Variants in USP34 observed in about 807,000 individuals in gnomAD.
USP34 encodes ubiquitin carboxyl-terminal hydrolase 34.
Under a neutral mutation model 460.3 loss-of-function variants are expected in USP34, and 70 were observed. The ratio of observed to expected loss-of-function variants is 0.15; its 90% CI spans 0.13 to 0.19. USP34 has a LOEUF of 0.19. USP34 is among the 10% of genes least tolerant of loss of function. USP34 has a pLI of 1.00. For missense variants in USP34, 3,985 were observed against 4,236.2 expected, an observed-to-expected ratio of 0.94 and a Z score of 1.65; for synonymous variants, 1,647 against 1,405.3, an observed-to-expected ratio of 1.17 and a Z score of -3.85.
chr2:61,296,449 C>T lies in USP34; in HGVS notation c.4254+351G>A, dbSNP rs115706952. ...TAAGCACACAAAACAAACACTGATG[C>T]ACATCATTTCACCTCTGTGTATTTT... is the stretch of plus-strand genomic sequence containing the variant. On this transcript the variant is annotated intron_variant, in intron 30 of 79. Transcript: ENST00000398571. Among the ~76,000 whole-genome samples the T allele has an allele frequency of 5.6e-3, 858 of 152,240 alleles. 9 individuals are homozygous for T. The highest frequency in any genetic ancestry group is 0.02 in the African/African-American group (819 of 41,526).
chr2:61,291,394 A>G (rs551745915), intron 33 of USP34, among the ~76,000 whole-genome samples: 33 of 152,290 alleles, frequency 2.2e-4, no homozygotes, highest in African/African-American at 7.0e-4. Context: ...AATTCCTCAA[A>G]AAGTTAGAAG....
Position 61,351,359 on chromosome 2 carries a change from A to G in USP34, c.1252-666T>C, listed in dbSNP as rs1572959493. 2.0e-5 allele frequency among the ~76,000 whole-genome samples: 3 copies of G among 152,332 alleles called. No homozygotes were observed. The East Asian group carries it at 5.8e-4, about 29-fold the overall frequency. On this transcript the variant is annotated intron_variant, in intron 10 of 79. Transcript: ENST00000398571. ...CCCTTATAAAGATCTATAAAATAAT[A>G]AACCATGAGATACAAAGACTTCTTT...
chr2:61,361,759 T>A (rs957245408), intron 10 of USP34, among the ~76,000 whole-genome samples: 1 of 152,148 alleles, frequency 6.6e-6, no homozygotes, highest in Non-Finnish European at 1.5e-5. Flanking sequence ...GTCTAGGAAA[T>A]AATTTTTTTG....
At chr2:61,419,309 G>A (rs1049093289) in intron 2 of USP34, among the ~76,000 whole-genome samples, 6 of 151,512 alleles carry the variant, frequency 4.0e-5, no homozygotes, top group South Asian at 4.2e-4. Context: ...CACCACACCC[G>A]GCCAGGCCAC....
In USP34 at chr2:61,229,021, G is replaced by A. The variant is rs751827248; in HGVS notation, c.7200-26C>T. ...CTAAGAGACAATTAAATAGATCTTAGAGAATGTATGAGGTCTGGAAATACT... is the reference window on the plus strand; with the variant it reads ...CTAAGAGACAATTAAATAGATCTTAAAGAATGTATGAGGTCTGGAAATACT... On this transcript the variant is annotated intron_variant, in intron 59 of 79. Coordinates refer to ENST00000398571, the MANE Select transcript of USP34 (RefSeq NM_014709.4). 6 of 1,500,938 alleles carry A rather than the reference G, an allele frequency of 4.0e-6. No homozygotes were observed. In the South Asian group the frequency reaches 5.5e-5, roughly 14 times the overall value. 93.0% of individuals were successfully genotyped at this position (1,500,938 alleles called of 1,614,324 possible). A position where few individuals can be genotyped will look rare whatever the true frequency, so the allele number is the denominator to read the frequency against.
intron 5 of USP34, among the ~76,000 whole-genome samples, chr2:61,394,573 A>T (rs1375136292): frequency 6.6e-6 from 1 of 151,742 alleles, no homozygotes; most frequent in Non-Finnish European, 1.5e-5. Context: ...TTAAAAAATG[A>T]AAATTAGCAA....
At chr2:61,328,454 GA>G (rs964725523) in intron 20 of USP34, among the ~76,000 whole-genome samples, 1 of 151,632 alleles carries the variant, frequency 6.6e-6, no homozygotes, top group South Asian at 2.1e-4. Context: ...ATCTCCACTG[GA>G]AAAAAAATAC....
chr2:61,244,593 G>A (rs1472890902), intron 51 of USP34, among the ~76,000 whole-genome samples: 5 of 149,074 alleles, frequency 3.4e-5, no homozygotes, highest in East Asian at 2.0e-4. Flanking sequence ...CAGTCTGGGC[G>A]ACACAGCAAG....
Position 61,405,785 on chromosome 2 carries a change from G to T in USP34, c.475C>A (p.Leu159Ile). ...ATTTGAAAAATTTTTGCCACACATA[G>T]TAAGAGTTTTTCCTTCTCATCTGTA... is the stretch of plus-strand genomic sequence containing the variant. ...WSTDEKEKLLLCVAKIFQIQF... is the reference protein window; with the variant it reads ...WSTDEKEKLLICVAKIFQIQF... The change falls in exon 3 of 80, where the codon CTA becomes ATA. Residue 159 changes from leucine to isoleucine, a missense_variant. Physicochemically the swap from Leu to Ile is conservative, Grantham distance 5. Around this residue, in one of 14 missense-constraint regions of USP34, gnomAD observed 331 missense variants for 293.7 expected, o/e 1.13. Coordinates refer to ENST00000398571, the MANE Select transcript of USP34 (RefSeq NM_014709.4). The T allele has an allele frequency of 3.7e-6, 6 of 1,608,728 alleles. No homozygotes were observed. The highest frequency in any genetic ancestry group is 5.1e-6 in the Non-Finnish European group (6 of 1,178,640).
At chr2:61,190,148 C>T (rs966467577) in intron 78 of USP34, 123 bp downstream of exon 78, 68 of 1,377,256 alleles carry the variant, frequency 4.9e-5, no homozygotes, top group South Asian at 2.0e-4. Flanking sequence ...GTTTTTTTGT[C>T]GCACATGGCT....
intron 3 of USP34, among the ~76,000 whole-genome samples, chr2:61,398,065 C>G (rs909178073): frequency 6.6e-6 from 1 of 151,666 alleles, no homozygotes; most frequent in Non-Finnish European, 1.5e-5. Context: ...AGCGAGACTC[C>G]GCCTCCAAAA....
intron 1 of USP34, among the ~76,000 whole-genome samples, chr2:61,461,968 G>A (rs1402412799): frequency 3.9e-5 from 6 of 152,022 alleles, no homozygotes; most frequent in East Asian, 1.9e-4. Flanking sequence ...AGCCAGACGC[G>A]GTGGCTCACA....
Position 61,316,912 on chromosome 2 carries a change from A to T in USP34, c.3282+742T>A, listed in dbSNP as rs573490456. On this transcript the variant is annotated intron_variant, in intron 23 of 79. Coordinates refer to ENST00000398571, the MANE Select transcript of USP34 (RefSeq NM_014709.4). The stretch of plus-strand genomic sequence containing the variant: ...AAAAATAATAATAATAAAAATTTTT[A>T]AAAATAATTCTTTTTCCTTTTTAAA... 2.8e-3 allele frequency among the ~76,000 whole-genome samples: 427 copies of T among 152,284 alleles called. 1 individual carries two copies. Among genetic ancestry groups the T allele is most frequent in the African/African-American group, 9.4e-3 (391 of 41,564 alleles).
intron 75 of USP34, among the ~76,000 whole-genome samples, chr2:61,196,293 T>C (rs1686807276): frequency 6.6e-6 from 1 of 150,482 alleles, no homozygotes; most frequent in African/African-American, 2.5e-5. Flanking sequence ...GGTTTCACTG[T>C]GTTAGCCAGG....
chr2:61,210,688 T>G (rs1279256712), intron 69 of USP34, among the ~76,000 whole-genome samples: 1 of 152,206 alleles, frequency 6.6e-6, no homozygotes, highest in Non-Finnish European at 1.5e-5. Flanking sequence ...ATTCCTTTCC[T>G]TTTTCAAGAA....
chr2:61,447,780 A>G (rs1015801568), intron 1 of USP34, among the ~76,000 whole-genome samples: 6 of 152,072 alleles, frequency 3.9e-5, no homozygotes, highest in Admixed American at 3.3e-4. Flanking sequence ...CAGTGGTGCA[A>G]TCTCGGCTTG....
At chr2:61,373,466 T>G (rs1692692836) in intron 8 of USP34, among the ~76,000 whole-genome samples, 1 of 149,290 alleles carries the variant, frequency 6.7e-6, no homozygotes. Context: ...AGATAAGCCA[T>G]GCCAACAATA....
chr2:61,391,933 T>C (rs1469198283), intron 5 of USP34, among the ~76,000 whole-genome samples: 2 of 152,170 alleles, frequency 1.3e-5, no homozygotes, highest in African/African-American at 4.8e-5. Flanking sequence ...ACAGATTATA[T>C]AGTATTATAG....
chr2:61,372,146 T>A lies in USP34; in HGVS notation c.1077-1567A>T, dbSNP rs567895599. Among the ~76,000 whole-genome samples, 3 of 152,246 alleles carry A rather than the reference T, an allele frequency of 2.0e-5. No individual in the cohort carries two copies. The East Asian group carries it at 5.8e-4, about 29-fold the overall frequency. ...ATTATATACAGATAAACTGGAAAGA[T>A]TAAGTAATTTACTTTCTTATTGCAT... On this transcript the variant is annotated intron_variant, in intron 8 of 79. Coordinates refer to ENST00000398571, the MANE Select transcript of USP34 (RefSeq NM_014709.4).
Sources: allele counts gnomAD v4.1 joint callset (sites outside exome capture counted in the v4.1 genomes callset), GRCh38; gene constraint gnomAD v4.1.1; regional missense constraint gnomAD v4.1.1; transcripts MANE v1.5; gene names NCBI Gene and HGNC (gene_info 2026-07-23, HGNC 2026-07-21).